IKZF2: variants seen among roughly 807,000 people sequenced by gnomAD.
IKZF2 encodes zinc finger protein Helios.
A neutral mutation model predicts 49.2 loss-of-function variants in IKZF2; 15 were observed. The ratio of observed to expected loss-of-function variants is 0.30; its 90% confidence interval spans 0.20 to 0.47. The LOEUF (loss-of-function observed/expected upper bound fraction) is 0.47, where lower values mean the gene tolerates loss of function less well. IKZF2 is among the 20% of genes least tolerant of loss of function. IKZF2 has a pLI of 1.00. For missense variants in IKZF2, 567 were observed against 664.6 expected, an observed-to-expected ratio of 0.85 and a Z score of 1.61; for synonymous variants, 227 against 221.4, an observed-to-expected ratio of 1.03 and a Z score of -0.23.
intron 4 of IKZF2, among the ~76,000 whole-genome samples, chr2:213,085,608 T>C (rs1028179859): frequency 1.3e-5 from 2 of 151,714 alleles, no homozygotes; most frequent in African/African-American, 4.8e-5. Context: ...AATGAGAGAG[T>C]GGATATCTAC....
chr2:213,128,407 T>C (rs2060338689), intron 4 of IKZF2, among the ~76,000 whole-genome samples: 1 of 152,168 alleles, frequency 6.6e-6, no homozygotes, highest in African/African-American at 2.4e-5. Context: ...GGAACATTCC[T>C]AAGGTCACAC....
chr2:213,014,235 C>A, intron 7 of IKZF2: 1 of 193,690 alleles, frequency 5.2e-6, no homozygotes, highest in East Asian at 1.2e-4. Context: ...GTGTTTTTAG[C>A]ATTGACTAAA....
At chr2:213,043,277 A>G (rs1699842504) in intron 6 of IKZF2, among the ~76,000 whole-genome samples, 1 of 152,174 alleles carries the variant, frequency 6.6e-6, no homozygotes, top group Non-Finnish European at 1.5e-5. Context: ...CTTAAACTGT[A>G]ACATCTATCA....
chr2:213,110,184 T>C (rs985763956), intron 4 of IKZF2, among the ~76,000 whole-genome samples: 6 of 152,018 alleles, frequency 3.9e-5, no homozygotes, highest in Non-Finnish European at 8.8e-5. Flanking sequence ...TTATTATTAG[T>C]GTTTTTTTCC....
At chr2:213,124,095 T>C (rs146864163) in intron 4 of IKZF2, among the ~76,000 whole-genome samples, 152 of 152,262 alleles carry the variant, frequency 1.0e-3, no homozygotes, top group African/African-American at 3.2e-3. Flanking sequence ...CCACCTGTCA[T>C]GCATGCTGTC....
At chr2:213,052,983 A>T (rs1305162073) in intron 5 of IKZF2, among the ~76,000 whole-genome samples, 6 of 152,152 alleles carry the variant, frequency 3.9e-5, no homozygotes, top group Non-Finnish European at 7.4e-5. Flanking sequence ...TTTCTTGTAA[A>T]TAATTTGTTC....
chr2:213,128,438 A>G (rs940632235), intron 4 of IKZF2, among the ~76,000 whole-genome samples: 18 of 152,180 alleles, frequency 1.2e-4, no homozygotes, highest in African/African-American at 4.1e-4. Flanking sequence ...TTGAAAAACA[A>G]TGGAGTGTCA....
intron 4 of IKZF2, among the ~76,000 whole-genome samples, chr2:213,133,744 C>T (rs868280116): frequency 7.3e-6 from 1 of 136,252 alleles, no homozygotes; most frequent in Non-Finnish European, 1.6e-5. Flanking sequence ...AATAAATATT[C>T]ACTATTTTCC....
At chr2:213,148,407 T>C (rs537810605) in intron 3 of IKZF2, among the ~76,000 whole-genome samples, 189 bp downstream of exon 3, 5 of 152,330 alleles carry the variant, frequency 3.3e-5, no homozygotes, top group South Asian at 4.1e-4. Context: ...ACTTAGTATG[T>C]TTCTATATTT....
intron 6 of IKZF2, among the ~76,000 whole-genome samples, chr2:213,028,288 G>C (rs746795832): frequency 4.6e-5 from 7 of 152,098 alleles, no homozygotes; most frequent in Non-Finnish European, 8.8e-5. Flanking sequence ...CTTAGGAATA[G>C]ATTTGGAATC....
intron 4 of IKZF2, among the ~76,000 whole-genome samples, chr2:213,124,018 G>A (rs149136175): frequency 1.3e-5 from 2 of 152,008 alleles, no homozygotes; most frequent in African/African-American, 4.8e-5. Context: ...AATTAGAGCT[G>A]ATCAGCAATG....
At chr2:213,066,712 G>C (rs1702199388) in intron 4 of IKZF2, among the ~76,000 whole-genome samples, 2 of 151,988 alleles carry the variant, frequency 1.3e-5, no homozygotes, top group African/African-American at 4.8e-5. Flanking sequence ...TGTTGTTGTT[G>C]TTGTTCTTCT....
chr2:213,018,382 T>C (rs954456531), intron 7 of IKZF2, among the ~76,000 whole-genome samples: 1 of 152,140 alleles, frequency 6.6e-6, no homozygotes. Context: ...TCCTCCTTTT[T>C]CCTCAAACTC....
Position 213,002,197 on chromosome 2 carries a change from T to C in IKZF2, c.*5163A>G, listed in dbSNP as rs551239741. The C allele has an allele frequency of 6.6e-6, 1 of 151,544 alleles. No homozygotes were observed. Among genetic ancestry groups the C allele is most frequent in the Admixed American group, 6.6e-5 (1 of 15,182 alleles). The allele number at this position is 151,544 out of a possible 1,614,324, so 9.4% of individuals were successfully genotyped here. A position where few individuals can be genotyped will look rare whatever the true frequency, so the allele number is the denominator to read the frequency against. On this transcript the variant is annotated 3_prime_UTR_variant, in exon 9 of 9. Coordinates refer to ENST00000434687, the MANE Select transcript of IKZF2 (RefSeq NM_001387220.1). Reference sequence around the variant, plus strand: ...CAATAAAAAGGACATCTTAGAAAACTAGTCATTCATGTACCACTCTCTGTA... The same window carrying C: ...CAATAAAAAGGACATCTTAGAAAACCAGTCATTCATGTACCACTCTCTGTA...
At chr2:213,113,852 C>A (rs149619826) in intron 4 of IKZF2, among the ~76,000 whole-genome samples, 172 of 152,148 alleles carry the variant, frequency 1.1e-3, no homozygotes, top group African/African-American at 4.0e-3. Context: ...CAAGGAGGGG[C>A]AAGGATACAC....
chr2:213,050,803 A>G (rs1176791830), intron 5 of IKZF2, among the ~76,000 whole-genome samples: 1 of 152,156 alleles, frequency 6.6e-6, no homozygotes, highest in Non-Finnish European at 1.5e-5. Context: ...ACTGGCAAGT[A>G]GGATCAAATT....
Position 213,056,844 on chromosome 2 carries a change from C to T in IKZF2, c.395G>A (p.Arg132Lys). 2 of 1,613,804 alleles carry T rather than the reference C, an allele frequency of 1.2e-6. No homozygotes were observed. The highest frequency in any genetic ancestry group is 1.1e-5 in the South Asian group (1 of 91,084). Reference protein sequence around the residue: ...IGPNVLMVHKRSHTGERPFHC... With the variant: ...IGPNVLMVHKKSHTGERPFHC... ...TTTCAGCTGCTTACCAGTGTGACTC[C>T]TTTTATGTACCATAAGCACATTGGG... The change falls in exon 5 of 9, where the codon AGG becomes AAG. Residue 132 changes from arginine (R) to lysine (K), a missense_variant. By Grantham distance (26) the Arg-to-Lys change is conservative (BLOSUM62 2). Transcript: ENST00000434687.
chr2:213,049,585 T>C lies in IKZF2; in HGVS notation c.574+128A>G, dbSNP rs1335440278. The C allele has an allele frequency of 1.2e-5, 7 of 592,364 alleles. No individual in the cohort carries two copies. The East Asian group carries it at 2.2e-4, about 19-fold the overall frequency. The allele number at this position is 592,364 out of a possible 1,614,324, so 36.7% of individuals were successfully genotyped here. A position where few individuals can be genotyped will look rare whatever the true frequency, so the allele number is the denominator to read the frequency against. ...CCTGCAAGATTTATCAATTATTTAATGTACACCAATAACAAGATTGTCTTG... is the reference window on the plus strand; with the variant it reads ...CCTGCAAGATTTATCAATTATTTAACGTACACCAATAACAAGATTGTCTTG... On this transcript the variant is annotated intron_variant, in intron 6 of 8. Coordinates refer to ENST00000434687, the MANE Select transcript of IKZF2 (RefSeq NM_001387220.1).
chr2:213,049,906 G>A (rs760530316), intron 5 of IKZF2, 26 bp from the exon 6 acceptor site: 2 of 1,503,956 alleles, frequency 1.3e-6, no homozygotes, highest in South Asian at 2.6e-5. Flanking sequence ...GAAATGGGAA[G>A]TATCAACTAG....
Sources: allele counts gnomAD v4.1 joint callset (sites outside exome capture counted in the v4.1 genomes callset), GRCh38; gene constraint gnomAD v4.1.1; transcripts MANE v1.5; gene names NCBI Gene and HGNC (gene_info 2026-07-23, HGNC 2026-07-21).